MED13L: variants seen among roughly 807,000 people sequenced by gnomAD.
MED13L encodes mediator of RNA polymerase II transcription subunit 13-like.
MED13L carries 7 observed loss-of-function variants against 220.9 expected under a neutral mutation model. The observed-to-expected ratio is 0.03, with a 90% CI of 0.02 to 0.06. The LOEUF (loss-of-function observed/expected upper bound fraction) is 0.06, where lower values mean the gene tolerates loss of function less well. MED13L is among the 10% of genes least tolerant of loss of function. The pLI, the probability that MED13L is intolerant of heterozygous loss-of-function variation, is 1.00. For missense variants in MED13L, 1,965 were observed against 2,760.5 expected, an observed-to-expected ratio of 0.71 and a Z score of 6.46; for synonymous variants, 1,011 against 1,015.2, an observed-to-expected ratio of 1.00 and a Z score of 0.08.
chr12:116,056,212 G>A (rs1868960255), intron 4 of MED13L, among the ~76,000 whole-genome samples: 1 of 151,824 alleles, frequency 6.6e-6, no homozygotes, highest in African/African-American at 2.4e-5. Context: ...ACACCACAAC[G>A]ACTAAAATTT....
intron 3 of MED13L, among the ~76,000 whole-genome samples, chr12:116,097,055 C>T (rs1029762202): frequency 6.6e-6 from 1 of 152,104 alleles, no homozygotes; most frequent in Non-Finnish European, 1.5e-5. Flanking sequence ...CACACTTCTG[C>T]ATAATTTCAA....
intron 2 of MED13L, among the ~76,000 whole-genome samples, chr12:116,150,644 C>G (rs1037484020): frequency 5.3e-5 from 8 of 152,196 alleles, no homozygotes; most frequent in Non-Finnish European, 8.8e-5. Context: ...TGACCTCCCA[C>G]AGAACTGAGG....
intron 4 of MED13L, among the ~76,000 whole-genome samples, chr12:116,083,510 G>A (rs1871380523): frequency 6.6e-6 from 1 of 151,678 alleles, no homozygotes; most frequent in South Asian, 2.1e-4. Flanking sequence ...CATATGGTGA[G>A]TAGACCAGTT....
intron 17 of MED13L, among the ~76,000 whole-genome samples, chr12:115,987,616 C>T (rs1265117768): frequency 6.6e-6 from 1 of 152,162 alleles, no homozygotes; most frequent in Admixed American, 6.5e-5. Flanking sequence ...TTTCATAAGA[C>T]AGCTGCAAAA....
chr12:116,114,056 G>A (rs1444479572), intron 2 of MED13L, among the ~76,000 whole-genome samples: 2 of 152,048 alleles, frequency 1.3e-5, no homozygotes, highest in African/African-American at 4.8e-5. Flanking sequence ...TTCTCAGCAA[G>A]GTCTGCCAAT....
At chr12:116,011,744 G>A (rs544293465) in intron 9 of MED13L, among the ~76,000 whole-genome samples, 1 of 152,278 alleles carries the variant, frequency 6.6e-6, no homozygotes, top group East Asian at 1.9e-4. Flanking sequence ...CATCCTCCCT[G>A]AAAAATCAAT....
At chr12:116,240,536 AT>A (rs201638026) in intron 1 of MED13L, among the ~76,000 whole-genome samples, 187 of 143,684 alleles carry the variant, frequency 1.3e-3, no homozygotes, top group Middle Eastern at 3.8e-3. Flanking sequence ...GATTTATTTT[AT>A]TTTTTTTTTT....
intron 4 of MED13L, among the ~76,000 whole-genome samples, chr12:116,055,283 T>G (rs986963339): frequency 2.0e-5 from 3 of 152,190 alleles, no homozygotes; most frequent in African/African-American, 7.2e-5. Flanking sequence ...ACACTTATGA[T>G]GTACAAACAT....
At chr12:116,092,058 A>C (rs1427680395) in intron 4 of MED13L, among the ~76,000 whole-genome samples, 2 of 152,252 alleles carry the variant, frequency 1.3e-5, no homozygotes, top group East Asian at 3.8e-4. Flanking sequence ...TACCAAAAAA[A>C]AGCTGTAAAA....
chr12:116,053,453 C>T lies in MED13L; in HGVS notation c.480-30852G>A, dbSNP rs73198024. ...TTGGGCCTGAAGGACTTTTAGGATT[C>T]GGATAATATGAGACTGGATGCTTAG... On this transcript the variant is annotated intron_variant, in intron 4 of 30. Transcript: ENST00000281928. 5.7e-3 allele frequency among the ~76,000 whole-genome samples: 873 copies of T among 152,122 alleles called. 7 individuals are homozygous for T. Among genetic ancestry groups the T allele is most frequent in the Non-Finnish European group, 6.6e-3 (448 of 68,002 alleles).
chr12:116,034,655 T>G (rs1035132645), intron 4 of MED13L, among the ~76,000 whole-genome samples: 2 of 152,170 alleles, frequency 1.3e-5, no homozygotes, highest in Non-Finnish European at 2.9e-5. Context: ...TATTACCTCT[T>G]CCCACGGAGA....
intron 2 of MED13L, among the ~76,000 whole-genome samples, chr12:116,214,442 A>G (rs1882883811): frequency 6.6e-6 from 1 of 152,184 alleles, no homozygotes; most frequent in African/African-American, 2.4e-5. Flanking sequence ...TTTAAAAAAA[A>G]GCTTCAGAAG....
intron 2 of MED13L, among the ~76,000 whole-genome samples, chr12:116,233,090 G>GA (rs530903194): frequency 0.092 from 7,615 of 82,896 alleles, 259 homozygotes; most frequent in Middle Eastern, 0.14. Context: ...CTGTCTAAAG[G>GA]AAAAAAAAAA....
chr12:116,038,847 A>G (rs1881356098), intron 4 of MED13L, among the ~76,000 whole-genome samples: 1 of 150,002 alleles, frequency 6.7e-6, no homozygotes. Flanking sequence ...CCCATAATCT[A>G]CTATTGCATT....
chr12:115,984,540 T>C (rs1282045576), intron 19 of MED13L, among the ~76,000 whole-genome samples, 168 bp from the exon 20 acceptor site: 1 of 152,166 alleles, frequency 6.6e-6, no homozygotes, highest in Admixed American at 6.5e-5. Context: ...TTTCAGGTAA[T>C]TGTAATGTAC....
At chr12:116,275,690 G>A (rs570686670) in intron 1 of MED13L, among the ~76,000 whole-genome samples, 11 of 152,148 alleles carry the variant, frequency 7.2e-5, no homozygotes, top group African/African-American at 2.4e-4. Context: ...CTACAGCGGG[G>A]GTTACAGAAA....
chr12:116,096,072 G>C (rs1358628428), intron 4 of MED13L, among the ~76,000 whole-genome samples: 1 of 151,912 alleles, frequency 6.6e-6, no homozygotes, highest in African/African-American at 2.4e-5. Flanking sequence ...TCAATGATGA[G>C]GCCGGGCGCA....
chr12:116,045,852 CCAATAA>C (rs1881799597), intron 4 of MED13L, among the ~76,000 whole-genome samples: 1 of 151,656 alleles, frequency 6.6e-6, no homozygotes, highest in East Asian at 1.9e-4. Flanking sequence ...TTCAAAATCA[CCAATAA>C]CAAGACATAT....
rs148681101 is a variant in MED13L at position 116,198,060 on chromosome 12, A to G, written c.310+39408T>C. ...ATAATACCATCAATAGTGCTTATGTATGGCAGATAACCAAAACATGATGTT... is the reference window on the plus strand; with the variant it reads ...ATAATACCATCAATAGTGCTTATGTGTGGCAGATAACCAAAACATGATGTT... On this transcript the variant is annotated intron_variant, in intron 2 of 30. Transcript: ENST00000281928. Among the ~76,000 whole-genome samples, 5 of 152,344 alleles carry G rather than the reference A, an allele frequency of 3.3e-5. No homozygotes were observed. In the East Asian group the frequency reaches 9.7e-4, roughly 29 times the overall value.
Sources: allele counts gnomAD v4.1 joint callset (sites outside exome capture counted in the v4.1 genomes callset), GRCh38; gene constraint gnomAD v4.1.1; transcripts MANE v1.5; gene names NCBI Gene and HGNC (gene_info 2026-07-23, HGNC 2026-07-21).